AKR1C3: variants seen among roughly 807,000 people sequenced by gnomAD.
AKR1C3 encodes the protein 3-alpha hydroxysteroid dehydrogenase, type II.
AKR1C3 carries 48 observed loss-of-function variants against 43.6 expected under a neutral mutation model. The observed-to-expected ratio is 1.10, with a 90% CI of 0.87 to 1.40. The LOEUF is 1.40. Among genes scored for constraint, AKR1C3 ranks in the 40% most tolerant of loss-of-function variants. The probability of loss-of-function intolerance (pLI) is 0.00; values close to 1 mark genes in which losing one functional copy is unlikely to be tolerated. For missense variants in AKR1C3, 482 were observed against 391.2 expected, an observed-to-expected ratio of 1.23 and a Z score of -1.96; for synonymous variants, 162 against 139.6, an observed-to-expected ratio of 1.16 and a Z score of -1.13.
intron 1 of AKR1C3, among the ~76,000 whole-genome samples, chr10:5,087,906 A>T (rs1839007006): frequency 6.6e-6 from 1 of 151,866 alleles, no homozygotes; most frequent in South Asian, 2.1e-4. Flanking sequence ...AGTTCCTTAG[A>T]AGTGACTTTA....
rs1838723793 is a variant in AKR1C3, at chr10:5,076,756, C to T, written c.85-19654C>T. On this transcript the variant is annotated intron_variant, in intron 1 of 8. Transcript: ENST00000439082. ...ACATATCGTAAAACTCACTTGATTC[C>T]TCACTGTCATGCATAGAGCTCTGTC... Among the ~76,000 whole-genome samples, 4 of 152,240 alleles carry T rather than the reference C, an allele frequency of 2.6e-5. 1 individual carries two copies. The South Asian group carries it at 6.2e-4, about 24-fold the overall frequency.
At chr10:5,096,718 CTG>C (rs2131838940) in intron 2 of AKR1C3, 141 bp downstream of exon 2, 1 of 1,373,996 alleles carries the variant, frequency 7.3e-7, no homozygotes, top group Non-Finnish European at 9.6e-7. Flanking sequence ...CATACTAAAA[CTG>C]AAATCAAAAT....
intron 2 of AKR1C3, 137 bp downstream of exon 2, chr10:5,096,714 A>C: frequency 7.2e-7 from 1 of 1,389,638 alleles, no homozygotes; most frequent in Non-Finnish European, 9.5e-7. Flanking sequence ...CTCACATACT[A>C]AAACTGAAAT....
chr10:5,069,281 C>G (rs1344621334), intron 1 of AKR1C3, among the ~76,000 whole-genome samples: 3 of 152,094 alleles, frequency 2.0e-5, no homozygotes, highest in Non-Finnish European at 4.4e-5. Context: ...CAACTGTATG[C>G]AGACAAACAT....
chr10:5,064,657 C>G (rs546071179), intron 1 of AKR1C3, among the ~76,000 whole-genome samples: 10 of 152,274 alleles, frequency 6.6e-5, no homozygotes, highest in African/African-American at 2.4e-4. Context: ...TATCCAGAAT[C>G]TACAAGAAAC....
chr10:5,103,011 T>G (rs1554786382), intron 7 of AKR1C3, among the ~76,000 whole-genome samples: 1 of 151,360 alleles, frequency 6.6e-6, no homozygotes, highest in Non-Finnish European at 1.5e-5. Flanking sequence ...TGCCTCAGCC[T>G]CCTGAGTAGC....
chr10:5,074,558 CTT>C (rs1292490693), intron 1 of AKR1C3, among the ~76,000 whole-genome samples: 1 of 152,184 alleles, frequency 6.6e-6, no homozygotes, highest in East Asian at 1.9e-4. Flanking sequence ...TTTTCCATCT[CTT>C]CTCTTAAGTG....
chr10:5,084,730 C>A (rs1175318705), intron 1 of AKR1C3, among the ~76,000 whole-genome samples: 4 of 152,056 alleles, frequency 2.6e-5, no homozygotes, highest in African/African-American at 9.7e-5. Context: ...TCTTCCATTT[C>A]TTTGTATCCT....
intron 5 of AKR1C3, among the ~76,000 whole-genome samples, chr10:5,101,221 C>A (rs1199195063): frequency 1.3e-5 from 2 of 152,152 alleles, no homozygotes; most frequent in Non-Finnish European, 2.9e-5. Context: ...TACTTATAAT[C>A]CACTGGGTGA....
intron 1 of AKR1C3, among the ~76,000 whole-genome samples, chr10:5,053,749 T>C (rs918925761): frequency 4.6e-5 from 7 of 152,192 alleles, no homozygotes; most frequent in Non-Finnish European, 1.0e-4. Flanking sequence ...ATAGGGGTAA[T>C]GAAGGGGCCC....
chr10:5,078,928 T>C (rs1838773961), intron 1 of AKR1C3, among the ~76,000 whole-genome samples: 1 of 152,210 alleles, frequency 6.6e-6, no homozygotes, highest in Non-Finnish European at 1.5e-5. Context: ...CTCCACCTTC[T>C]TTAAGGCATT....
intron 1 of AKR1C3, among the ~76,000 whole-genome samples, chr10:5,072,303 A>C (rs1554781390): frequency 1.3e-5 from 2 of 152,224 alleles, no homozygotes; most frequent in African/African-American, 4.8e-5. Context: ...TAGAATCTTT[A>C]AAGCCTTCTG....
At position 5,064,588 on chromosome 10, in the gene AKR1C3, C is replaced by T. The variant is rs114088222; in HGVS notation, c.84+15693C>T. Among the ~76,000 whole-genome samples, 745 of 152,268 alleles carry T rather than the reference C, an allele frequency of 4.9e-3. 4 individuals carry two copies. Among genetic ancestry groups the T allele is most frequent in the African/African-American group, 0.018 (728 of 41,524 alleles). On this transcript the variant is annotated intron_variant, in intron 1 of 8. Coordinates refer to the AKR1C3 transcript ENST00000439082. Reference sequence around the variant, plus strand: ...CAAAAGACACTAGCAACAGAATAAACAGACAACCTAAAGAATGGAAGAAAA... The same window carrying T: ...CAAAAGACACTAGCAACAGAATAAATAGACAACCTAAAGAATGGAAGAAAA...
At chr10:5,052,873 T>C (rs1350877929) in intron 1 of AKR1C3, among the ~76,000 whole-genome samples, 6 of 145,592 alleles carry the variant, frequency 4.1e-5, no homozygotes, top group African/African-American at 1.7e-4. Context: ...TTGAGCTAGA[T>C]ACAGAGTGCC....
At chr10:5,106,530 C>T (rs1223244583) in intron 8 of AKR1C3, among the ~76,000 whole-genome samples, 15 of 151,978 alleles carry the variant, frequency 9.9e-5, no homozygotes, top group East Asian at 3.9e-4. Flanking sequence ...GTGGGCAGAT[C>T]GACTGAGGTC....
intron 1 of AKR1C3, chr10:5,048,900 TA>T (rs1336606298): frequency 1.2e-6 from 2 of 1,611,576 alleles, no homozygotes; most frequent in African/African-American, 2.7e-5. Context: ...CCAGAGGTAA[TA>T]ATAATGTTTT....
intron 7 of AKR1C3, 64 bp from the exon 8 acceptor site, chr10:5,105,531 C>T (rs1357516064): frequency 4.8e-6 from 6 of 1,237,802 alleles, no homozygotes; most frequent in Non-Finnish European, 7.0e-6. Flanking sequence ...ACCCTACTGT[C>T]TAATATACTT....
chr10:5,057,001 T>G (rs1554779666), intron 1 of AKR1C3, among the ~76,000 whole-genome samples: 1 of 152,140 alleles, frequency 6.6e-6, no homozygotes, highest in African/African-American at 2.4e-5. Context: ...CCTGAATAGT[T>G]AAACATACCC....
intron 1 of AKR1C3, among the ~76,000 whole-genome samples, chr10:5,049,116 G>GCT (rs1554778693): frequency 6.6e-6 from 1 of 151,642 alleles, no homozygotes; most frequent in Non-Finnish European, 1.5e-5. Context: ...TTGGGGCACT[G>GCT]TTTTTTTTCT....
Sources: gnomAD v4.1 joint callset for allele counts (sites outside exome capture counted in the v4.1 genomes callset) on GRCh38, gnomAD v4.1.1 for gene constraint, MANE v1.5 for transcripts, NCBI Gene and HGNC (gene_info 2026-07-23, HGNC 2026-07-21) for gene names.